The following FHAD1 variants were observed in gnomAD, a reference collection of about 807,000 sequenced individuals.
The protein encoded by FHAD1 is forkhead associated phosphopeptide binding domain 1.
FHAD1 carries 146 observed loss-of-function variants against 191.3 expected under a neutral mutation model. The observed-to-expected ratio is 0.76, with a 90% confidence interval of 0.67 to 0.88. FHAD1 has a LOEUF of 0.88. FHAD1 is among the 40% of genes least tolerant of loss of function. The probability of loss-of-function intolerance (pLI) is 0.00; values close to 1 mark genes in which losing one functional copy is unlikely to be tolerated. For synonymous variants in FHAD1, 616 were observed against 672.3 expected, an observed-to-expected ratio of 0.92 and a Z score of 1.29; for missense variants, 1,635 against 1,785.8, an observed-to-expected ratio of 0.92 and a Z score of 1.52.
At chr1:15,267,900 A>C (rs969430975) in intron 2 of FHAD1, among the ~76,000 whole-genome samples, 18 of 147,756 alleles carry the variant, frequency 1.2e-4, no homozygotes, top group African/African-American at 4.2e-4. Context: ...TGATATAAAA[A>C]TATGGTATAT....
Position 15,360,719 on chromosome 1 carries a change from G to A in FHAD1, c.2962+16G>A. 6.5e-7 allele frequency: 1 copy of A among 1,547,758 alleles called. No homozygotes were observed. The highest frequency in any genetic ancestry group is 8.7e-7 in the Non-Finnish European group (1 of 1,143,704). ...AATGACCCAGGTAAGTCCGAAGGGA[G>A]GCCAAGGAAATCTTAGTGTTCGGGG... On this transcript the variant is annotated intron_variant, in intron 22 of 33. Transcript: ENST00000688493.
In FHAD1 at chr1:15,338,898, A is replaced by T. The variant is rs549567926; in HGVS notation, c.1907-583A>T. Among the ~76,000 whole-genome samples the T allele has an allele frequency of 2.0e-5, 3 of 151,974 alleles. No individual in the cohort carries two copies. The East Asian group carries it at 5.8e-4, about 29-fold the overall frequency. ...GTCTTGGCTTTAGACCATCCCCCAC[A>T]CTCAGCACCATGCTTCACACACAGT... is the stretch of plus-strand genomic sequence containing the variant. On this transcript the variant is annotated intron_variant, in intron 14 of 33. Coordinates refer to ENST00000688493, the MANE Select transcript of FHAD1 (RefSeq NM_001391957.1).
chr1:15,266,888 G>A (rs1029708042), intron 2 of FHAD1, among the ~76,000 whole-genome samples: 11 of 152,144 alleles, frequency 7.2e-5, no homozygotes, highest in African/African-American at 2.7e-4. Flanking sequence ...TGCATTTAAA[G>A]TTCCTCTGTA....
chr1:15,382,825 G>C lies in FHAD1; in HGVS notation c.4188+632G>C, dbSNP rs138702853. Among the ~76,000 whole-genome samples, 516 of 152,322 alleles carry C rather than the reference G, an allele frequency of 3.4e-3. 6 individuals carry two copies. Among genetic ancestry groups the C allele is most frequent in the African/African-American group, 0.011 (467 of 41,562 alleles). On this transcript the variant is annotated intron_variant, in intron 31 of 33. Coordinates refer to ENST00000688493, the MANE Select transcript of FHAD1 (RefSeq NM_001391957.1). ...ATGCCGCCAGTGACCGCAAAGGAGA[G>C]CTGGAGTTTGTCCACCAAAGGGATG...
In FHAD1 at chr1:15,311,855, G is replaced by A. The variant is rs2101127686; in HGVS notation, c.1040-1202G>A. Among the ~76,000 whole-genome samples, 1 of 152,314 alleles carries A rather than the reference G, an allele frequency of 6.6e-6. No individual in the cohort carries two copies. Among genetic ancestry groups the A allele is most frequent in the South Asian group, 2.1e-4 (1 of 4,820 alleles). The stretch of plus-strand genomic sequence containing the variant: ...ATCTTACCCGGTTTCTGTGGTTCAG[G>A]AACTTGGGAGTGACTTAGTCTGGCT... On this transcript the variant is annotated intron_variant, in intron 7 of 33. Transcript: ENST00000688493. The surrounding 1 kb of genome is among the most constrained non-coding windows in gnomAD (Gnocchi z 4.1).
chr1:15,259,101 G>A (rs141689760), intron 2 of FHAD1, among the ~76,000 whole-genome samples: 1 of 152,140 alleles, frequency 6.6e-6, no homozygotes, highest in Non-Finnish European at 1.5e-5. Flanking sequence ...GGTGGTGGTT[G>A]TTTTTACAGT....
At chr1:15,286,370 G>A (rs1042735482) in intron 3 of FHAD1, among the ~76,000 whole-genome samples, 1 of 152,168 alleles carries the variant, frequency 6.6e-6, no homozygotes, top group Non-Finnish European at 1.5e-5. Flanking sequence ...GGGCCTTGTG[G>A]CCTGCGTCTA....
In FHAD1 at chr1:15,328,421, A is replaced by G. The variant is rs1256795654; in HGVS notation, c.1702A>G (p.Ser568Gly). 2 of 1,515,758 alleles carry G rather than the reference A, an allele frequency of 1.3e-6. No individual in the cohort carries two copies. Among genetic ancestry groups the G allele is most frequent in the African/African-American group, 1.4e-5 (1 of 70,526 alleles). 93.9% of individuals were successfully genotyped at this position (1,515,758 alleles called of 1,614,324 possible). Reference sequence around the variant, plus strand: ...CGAGAAGCTGAGGACGTCGCTGGACAGCTGCCAGGTGGCCCCTCCTTACGC... The same window carrying G: ...CGAGAAGCTGAGGACGTCGCTGGACGGCTGCCAGGTGGCCCCTCCTTACGC... ...NIEKLRTSLD[S>G]CQACMKISCC... The change falls in exon 13 of 34, where the codon AGC becomes GGC. Residue 568 changes from serine to glycine, a missense_variant. Physicochemically the swap from Ser to Gly is moderately conservative, Grantham distance 56. Coordinates refer to ENST00000688493, the MANE Select transcript of FHAD1 (RefSeq NM_001391957.1).
chr1:15,336,469 C>A (rs114469187), intron 14 of FHAD1, among the ~76,000 whole-genome samples: 1,797 of 152,208 alleles, frequency 0.012, 43 homozygotes, highest in African/African-American at 0.041. Context: ...ACATGCAGCA[C>A]GTACCCTGCC....
At chr1:15,353,886 G>A (rs1433398291) in intron 20 of FHAD1, among the ~76,000 whole-genome samples, 4 of 152,048 alleles carry the variant, frequency 2.6e-5, no homozygotes, top group Admixed American at 2.6e-4. Context: ...AACGCAGTAG[G>A]AATAGAAGTG....
intron 9 of FHAD1, among the ~76,000 whole-genome samples, chr1:15,317,505 C>A (rs1674862631): frequency 6.6e-6 from 1 of 152,244 alleles, no homozygotes; most frequent in African/African-American, 2.4e-5. Flanking sequence ...AGATTGAACT[C>A]AAAAATATAA....
intron 2 of FHAD1, among the ~76,000 whole-genome samples, chr1:15,267,240 G>A (rs1050036538): frequency 6.6e-6 from 1 of 152,046 alleles, no homozygotes; most frequent in South Asian, 2.1e-4. Flanking sequence ...GCCTCTTGAT[G>A]CAATGGATTA....
intron 24 of FHAD1, 54 bp downstream of exon 24, chr1:15,365,987 G>T: frequency 1.6e-6 from 2 of 1,276,750 alleles, no homozygotes; most frequent in South Asian, 1.3e-5. Context: ...AGAAAGGAAG[G>T]AGATGAGGCT....
upstream of FHAD1, among the ~76,000 whole-genome samples, chr1:15,246,613 T>C (rs28732981): frequency 0.011 from 1,746 of 152,140 alleles, 38 homozygotes; most frequent in African/African-American, 0.04. Flanking sequence ...GTGACACTCA[T>C]AGGACTCAAA....
At position 15,381,424 on chromosome 1, in the gene FHAD1, GA is replaced by G. The variant is rs766480966; in HGVS notation, c.3996del (p.Tyr1333MetfsTer39). Reference sequence around the variant, plus strand: ...GGGAGGAAAGAGGAGCTGTTGAGAGGATATGAAAAGGACGTTGAACAGCTCA... The same window carrying G: ...GGGAGGAAAGAGGAGCTGTTGAGAGGTATGAAAAGGACGTTGAACAGCTCA... ...QLGRKEELLR[G>X]YEKDVEQLRR... On this transcript the variant is annotated frameshift_variant, in exon 30 of 34. Transcript: ENST00000688493. LOFTEE classifies it high-confidence loss of function. This position sits in a 1 kb window ranked among gnomAD's most constrained non-coding sequence, Gnocchi z 4.6. 1.3e-6 allele frequency: 2 copies of G among 1,551,608 alleles called. No individual in the cohort carries two copies. Among genetic ancestry groups the G allele is most frequent in the South Asian group, 2.4e-5 (2 of 84,034 alleles).
intron 10 of FHAD1, among the ~76,000 whole-genome samples, chr1:15,319,518 T>C (rs1184585823): frequency 6.6e-6 from 1 of 152,124 alleles, no homozygotes; most frequent in Non-Finnish European, 1.5e-5. Context: ...CCCAGCACTT[T>C]GGAGGCCGAG....
upstream of FHAD1, among the ~76,000 whole-genome samples, chr1:15,245,220 G>A (rs1052681462): frequency 1.3e-5 from 2 of 152,216 alleles, no homozygotes; most frequent in Non-Finnish European, 2.9e-5. Flanking sequence ...CATGAGATTT[G>A]GAGGGGTCAA....
upstream of FHAD1, among the ~76,000 whole-genome samples, chr1:15,243,981 C>A (rs562076950): frequency 6.6e-6 from 1 of 152,062 alleles, no homozygotes; most frequent in Non-Finnish European, 1.5e-5. Context: ...TGGGCTTCGT[C>A]GTCACCAAGA....
rs1573854098 is a variant in FHAD1 at position 15,272,392 on chromosome 1, G to A, written c.163G>A (p.Asp55Asn). 8.4e-6 allele frequency: 13 copies of A among 1,551,716 alleles called. 1 individual carries two copies. In the African/African-American group the frequency reaches 1.2e-4, roughly 15 times the overall value. Residue 55 changes from aspartate (D) to asparagine (N), a missense_variant, in exon 3 of 34, where the codon GAC becomes AAC. Transcript: ENST00000688493. ...NEAECSFVLQ[D>N]FNSRNGTFVN... ...GGCGGAGTGCAGCTTTGTTCTCCAG[G>A]ACTTCAATTCCCGCAACGGCACGTT...
Sources: gnomAD v4.1 joint callset for allele counts (sites outside exome capture counted in the v4.1 genomes callset) on GRCh38, gnomAD v4.1.1 for gene constraint, Gnocchi (gnomAD v3.1) non-coding constraint, MANE v1.5 for transcripts, NCBI Gene and HGNC (gene_info 2026-07-23, HGNC 2026-07-21) for gene names.